Variants in CALN1 observed in about 807,000 individuals in gnomAD.
CALN1 encodes the protein calcium-binding protein 8.
In CALN1, 17 loss-of-function variants were observed where a neutral mutation model predicts 30.6. That is an observed-to-expected ratio of 0.56 (90% CI 0.38 to 0.83). CALN1 has a LOEUF of 0.83. Ranked by LOEUF, CALN1 falls within the 40% of genes least tolerant of loss-of-function variation. The pLI, the probability that CALN1 is intolerant of heterozygous loss-of-function variation, is 0.00. For missense variants in CALN1, 291 were observed against 354.9 expected, an observed-to-expected ratio of 0.82 and a Z score of 1.45; for synonymous variants, 156 against 131.4, an observed-to-expected ratio of 1.19 and a Z score of -1.28.
the CALN1 span, among the ~76,000 whole-genome samples, chr7:72,493,970 G>A: frequency 6.6e-6 from 1 of 152,160 alleles, no homozygotes; most frequent in African/African-American, 2.4e-5. Context: ...CAGGAGAATC[G>A]CTTCAGGCTA....
intron 2 of CALN1, among the ~76,000 whole-genome samples, chr7:72,336,305 C>T (rs1423299555): frequency 6.6e-6 from 1 of 152,044 alleles, no homozygotes; most frequent in Non-Finnish European, 1.5e-5. Flanking sequence ...CCCTGCCCTC[C>T]CTCCCCATCG....
chr7:72,414,156 C>T (rs1334637638), upstream of CALN1, among the ~76,000 whole-genome samples: 1 of 152,104 alleles, frequency 6.6e-6, no homozygotes, highest in Non-Finnish European at 1.5e-5. Context: ...GTGGGAAGAT[C>T]CAGGATCCTA....
chr7:72,082,760 C>T (rs931272575), intron 4 of CALN1, among the ~76,000 whole-genome samples: 9 of 152,228 alleles, frequency 5.9e-5, no homozygotes, highest in Non-Finnish European at 1.3e-4. Context: ...CTATCCAACT[C>T]AACTACGGAT....
intron 2 of CALN1, among the ~76,000 whole-genome samples, chr7:72,378,663 A>G (rs867430671): frequency 2.8e-5 from 4 of 145,240 alleles, no homozygotes; most frequent in South Asian, 2.3e-4. Flanking sequence ...AGGTAATGTT[A>G]TAATTTTTAT....
At chr7:72,102,705 CTA>C (rs1295005854) in intron 4 of CALN1, among the ~76,000 whole-genome samples, 5 of 152,086 alleles carry the variant, frequency 3.3e-5, no homozygotes, top group African/African-American at 1.2e-4. Context: ...GCAGAAGCAA[CTA>C]TAGAGACAGA....
intron 2 of CALN1, among the ~76,000 whole-genome samples, chr7:72,368,149 ATG>A (rs201757110): frequency 1.3e-5 from 2 of 150,300 alleles, no homozygotes; most frequent in East Asian, 3.9e-4. Context: ...ATCTATATCT[ATG>A]TGTGTGTATA....
intron 3 of CALN1, among the ~76,000 whole-genome samples, chr7:72,268,885 C>G (rs567814630): frequency 1.3e-5 from 2 of 152,154 alleles, no homozygotes; most frequent in African/African-American, 4.8e-5. Context: ...GAATAACCCT[C>G]CCACCATGTG....
chr7:72,124,743 GA>G (rs200330397), intron 3 of CALN1, among the ~76,000 whole-genome samples: 60 of 144,916 alleles, frequency 4.1e-4, no homozygotes, highest in African/African-American at 1.4e-3. Flanking sequence ...AAGAAACAAA[GA>G]AAAAAAAACA....
intron 3 of CALN1, among the ~76,000 whole-genome samples, chr7:72,233,331 G>T (rs1794246919): frequency 6.6e-6 from 1 of 152,090 alleles, no homozygotes; most frequent in African/African-American, 2.4e-5. Context: ...GACGGTCTCG[G>T]GGAGTTGCCT....
At chr7:72,356,949 G>C (rs1803269572) in intron 2 of CALN1, among the ~76,000 whole-genome samples, 1 of 151,860 alleles carries the variant, frequency 6.6e-6, no homozygotes, top group African/African-American at 2.4e-5. Flanking sequence ...TCTAAGCTTT[G>C]GTTTTGCTTT....
chr7:71,928,589 A>G (rs777908675), intron 5 of CALN1, among the ~76,000 whole-genome samples: 1 of 152,196 alleles, frequency 6.6e-6, no homozygotes, highest in Non-Finnish European at 1.5e-5. Context: ...AAAAAATGCA[A>G]TTACTTTTGC....
intron 3 of CALN1, among the ~76,000 whole-genome samples, chr7:72,115,228 T>A (rs1807891860): frequency 6.9e-6 from 1 of 145,616 alleles, no homozygotes; most frequent in African/African-American, 2.5e-5. Context: ...ATATACTATA[T>A]ATAATATACA....
At chr7:72,099,458 C>CTT (rs796540118) in intron 4 of CALN1, among the ~76,000 whole-genome samples, 5 of 143,124 alleles carry the variant, frequency 3.5e-5, no homozygotes, top group Admixed American at 7.0e-5. Flanking sequence ...TAATTAGAAT[C>CTT]TTTTTTTTTT....
At position 72,037,868 on chromosome 7, in the gene CALN1, T is replaced by TGAA. The variant is rs753006989; in HGVS notation, c.389-14100_389-14099insTTC. On this transcript the variant is annotated intron_variant, in intron 4 of 6. Transcript: ENST00000395275. ...TCCCTGGGCCTGTGTAGTCACTTTC[T>TGAA]AGCGTTCCTTGTAGAGGCAATTGCT... Among the ~76,000 whole-genome samples, 99 of 152,358 alleles carry TGAA rather than the reference T, an allele frequency of 6.5e-4. No homozygotes were observed. The Middle Eastern group carries it at 0.014, about 21-fold the overall frequency.
intron 4 of CALN1, among the ~76,000 whole-genome samples, chr7:72,092,101 G>C (rs1805902391): frequency 6.6e-6 from 1 of 151,926 alleles, no homozygotes; most frequent in Non-Finnish European, 1.5e-5. Context: ...GTTTATTTTA[G>C]TGGTAATGCT....
At chr7:71,903,802 T>C (rs897526660) in intron 5 of CALN1, among the ~76,000 whole-genome samples, 1 of 152,172 alleles carries the variant, frequency 6.6e-6, no homozygotes, top group African/African-American at 2.4e-5. Context: ...ACTATGCATC[T>C]GATAAGGGGT....
intron 1 of CALN1, among the ~76,000 whole-genome samples, chr7:72,406,274 T>A (rs973267175): frequency 1.3e-5 from 2 of 152,158 alleles, no homozygotes; most frequent in Non-Finnish European, 2.9e-5. Context: ...GCACCCCATG[T>A]TGGCATCTGC....
At chr7:71,931,226 A>G (rs1041769798) in intron 5 of CALN1, among the ~76,000 whole-genome samples, 2 of 152,144 alleles carry the variant, frequency 1.3e-5, no homozygotes, top group Admixed American at 6.5e-5. Context: ...AGTTCTTCCT[A>G]TCATCAAATT....
chr7:72,281,530 T>C (rs1196174294), intron 2 of CALN1, among the ~76,000 whole-genome samples: 3 of 152,158 alleles, frequency 2.0e-5, no homozygotes, highest in African/African-American at 7.2e-5. Context: ...CCTGCTCTGA[T>C]ATTATCTAAT....
Sources: gnomAD v4.1 joint callset for allele counts (sites outside exome capture counted in the v4.1 genomes callset) on GRCh38, gnomAD v4.1.1 for gene constraint, MANE v1.5 for transcripts, NCBI Gene and HGNC (gene_info 2026-07-23, HGNC 2026-07-21) for gene names.